The following IL17B variants were observed in gnomAD, a reference collection of about 807,000 sequenced individuals.
IL17B encodes interleukin 17B, also known as interleukin-17B.
In IL17B, 14 loss-of-function variants were observed where a neutral mutation model predicts 14.7. That is an observed-to-expected ratio of 0.95 (90% CI 0.63 to 1.49). The LOEUF is 1.49. Ranked by LOEUF, IL17B falls within the 40% of genes most tolerant of loss-of-function variation. IL17B has a pLI of 0.00. For synonymous variants in IL17B, 105 were observed against 94.8 expected, an observed-to-expected ratio of 1.11 and a Z score of -0.62; for missense variants, 233 against 252.8, an observed-to-expected ratio of 0.92 and a Z score of 0.53.
intron 1 of IL17B, among the ~76,000 whole-genome samples, chr5:149,391,446 G>C (rs933540040): frequency 9.9e-5 from 15 of 152,166 alleles, no homozygotes; most frequent in African/African-American, 2.9e-4. Context: ...TTAACACCAG[G>C]ATAAAATGGC....
chr5:149,388,453 T>C (rs1313221788), intron 1 of IL17B, among the ~76,000 whole-genome samples: 1 of 152,230 alleles, frequency 6.6e-6, no homozygotes, highest in Non-Finnish European at 1.5e-5. Flanking sequence ...ATCAGGATCA[T>C]TGTGCTGGCT....
rs536681501 is a variant in IL17B, at chr5:149,376,700, C to T, written c.311+36G>A. On this transcript the variant is annotated intron_variant, in intron 2 of 2. Coordinates refer to ENST00000261796, the MANE Select transcript of IL17B (RefSeq NM_014443.3). ...ACTGGGGCACAGGAAAGGTCCCCACCCCCCAAAGACAGCTTGCCACCACTG... is the reference window on the plus strand; with the variant it reads ...ACTGGGGCACAGGAAAGGTCCCCACTCCCCAAAGACAGCTTGCCACCACTG... 3.0e-5 allele frequency: 47 copies of T among 1,562,574 alleles called. No homozygotes were observed. In the Middle Eastern group the frequency reaches 1.7e-3, roughly 58 times the overall value.
At chr5:149,391,938 C>G (rs1758977464) in intron 1 of IL17B, among the ~76,000 whole-genome samples, 1 of 152,204 alleles carries the variant, frequency 6.6e-6, no homozygotes, top group Non-Finnish European at 1.5e-5. Flanking sequence ...AGGATGTCCT[C>G]CTTTCTCCCC....
chr5:149,382,341 T>G (rs1232148947), upstream of IL17B, among the ~76,000 whole-genome samples: 1 of 152,190 alleles, frequency 6.6e-6, no homozygotes, highest in Non-Finnish European at 1.5e-5. Context: ...GGTGAGGGCT[T>G]CTGTCTGCTG....
intron 1 of IL17B, among the ~76,000 whole-genome samples, chr5:149,400,182 G>A (rs1759178767): frequency 6.6e-6 from 1 of 152,044 alleles, no homozygotes; most frequent in African/African-American, 2.4e-5. Context: ...ACTGGATTAG[G>A]GTGGGCCCCT....
At chr5:149,395,175 A>C (rs1038531354) in intron 1 of IL17B, among the ~76,000 whole-genome samples, 1 of 152,052 alleles carries the variant, frequency 6.6e-6, no homozygotes, top group Non-Finnish European at 1.5e-5. Context: ...TCCATCCATG[A>C]TGCTGCAAAG....
chr5:149,395,452 G>T (rs1410066900), intron 1 of IL17B, among the ~76,000 whole-genome samples: 1 of 152,104 alleles, frequency 6.6e-6, no homozygotes, highest in Non-Finnish European at 1.5e-5. Flanking sequence ...CTCATATACA[G>T]ACCACAGATT....
intron 1 of IL17B, among the ~76,000 whole-genome samples, chr5:149,377,814 TG>T (rs1166479766): frequency 1.5e-5 from 2 of 136,832 alleles, no homozygotes; most frequent in South Asian, 2.4e-4. Context: ...AGGGGTGGGT[TG>T]GGGGAAGATG....
intron 1 of IL17B, among the ~76,000 whole-genome samples, chr5:149,396,090 G>GA (rs1004680301): frequency 6.6e-5 from 10 of 152,062 alleles, no homozygotes; most frequent in East Asian, 3.9e-4. Flanking sequence ...TGGGCTGAAT[G>GA]AAAAAAAATA....
chr5:149,403,543 A>G (rs1481871283), intron 1 of IL17B, among the ~76,000 whole-genome samples: 2 of 152,224 alleles, frequency 1.3e-5, no homozygotes, highest in Non-Finnish European at 2.9e-5. Context: ...AAGAGAACAT[A>G]TGGGGCTTGA....
intron 1 of IL17B, chr5:149,403,971 C>T (rs528066181): frequency 6.6e-6 from 1 of 152,346 alleles, no homozygotes; most frequent in South Asian, 2.1e-4. Flanking sequence ...GTCCTCTATT[C>T]TCCTGGACAG....
upstream of IL17B, among the ~76,000 whole-genome samples, chr5:149,380,054 T>G (rs563181996): frequency 6.6e-6 from 1 of 152,254 alleles, no homozygotes; most frequent in South Asian, 2.1e-4. Context: ...GACACAGCAC[T>G]CTCCCTCCTG....
Position 149,400,503 on chromosome 5 carries a change from T to C in IL17B, n.95+3605A>G, listed in dbSNP as rs574634548. The stretch of plus-strand genomic sequence containing the variant: ...AGCCCTGCCTGACTGACACAACCGG[T>C]CGCTGGCTTTGTGGGTGTGGCAGAG... On this transcript the variant is annotated intron_variant and non_coding_transcript_variant, in intron 1 of 2. Coordinates refer to the IL17B transcript ENST00000505432. Among the ~76,000 whole-genome samples, 5 of 152,292 alleles carry C rather than the reference T, an allele frequency of 3.3e-5. No homozygotes were observed. The South Asian group carries it at 8.3e-4, about 25-fold the overall frequency.
At chr5:149,387,052 T>C (rs572883899) in intron 1 of IL17B, among the ~76,000 whole-genome samples, 2 of 150,508 alleles carry the variant, frequency 1.3e-5, no homozygotes, top group South Asian at 4.2e-4. Context: ...TCTAACAGTA[T>C]CGATATTTTA....
chr5:149,375,810 C>A (rs1383137519), intron 2 of IL17B, among the ~76,000 whole-genome samples: 20 of 152,120 alleles, frequency 1.3e-4, no homozygotes, highest in Admixed American at 1.3e-3. Flanking sequence ...GCCCAGGAGG[C>A]AGAGGCTGCA....
chr5:149,387,901 G>A (rs957166573), intron 1 of IL17B, among the ~76,000 whole-genome samples: 1 of 152,180 alleles, frequency 6.6e-6, no homozygotes, highest in Non-Finnish European at 1.5e-5. Flanking sequence ...CATACAGTGA[G>A]GAGAAAAGGG....
At chr5:149,403,246 A>T (rs1759251023) in intron 1 of IL17B, among the ~76,000 whole-genome samples, 1 of 151,800 alleles carries the variant, frequency 6.6e-6, no homozygotes, top group African/African-American at 2.4e-5. Context: ...CACCATGCCC[A>T]GCTAATTTTT....
At chr5:149,396,762 C>G (rs776983464) in intron 1 of IL17B, among the ~76,000 whole-genome samples, 1 of 151,392 alleles carries the variant, frequency 6.6e-6, no homozygotes, top group Non-Finnish European at 1.5e-5. Context: ...AACCCTGACT[C>G]AAAAAAAATA....
chr5:149,386,058 C>T (rs1367493067), intron 1 of IL17B, among the ~76,000 whole-genome samples: 4 of 152,208 alleles, frequency 2.6e-5, no homozygotes, highest in Non-Finnish European at 5.9e-5. Context: ...AAGCTACAAA[C>T]CGATGGTACT....
Sources: gnomAD v4.1 joint callset for allele counts (sites outside exome capture counted in the v4.1 genomes callset) on GRCh38, gnomAD v4.1.1 for gene constraint, MANE v1.5 for transcripts, NCBI Gene and HGNC (gene_info 2026-07-23, HGNC 2026-07-21) for gene names.